EMC8: variants seen among roughly 807,000 people sequenced by gnomAD.
EMC8 encodes the protein ER membrane protein complex subunit 8.
A neutral mutation model predicts 24.3 loss-of-function variants in EMC8; 11 were observed. That is an observed-to-expected ratio of 0.45 (90% CI 0.28 to 0.75). EMC8 has a LOEUF of 0.75. Among genes scored for constraint, EMC8 ranks in the 30% least tolerant of loss-of-function variants. The pLI is 0.12. For synonymous variants in EMC8, 145 were observed against 117.7 expected (o/e 1.23, Z -1.50); for missense variants, 277 against 282.7 (o/e 0.98, Z 0.14).
At chr16:85,795,175 A>G (rs1905197955) in intron 1 of EMC8, among the ~76,000 whole-genome samples, 1 of 152,160 alleles carries the variant, frequency 6.6e-6, no homozygotes, top group South Asian at 2.1e-4. Context: ...TTACTTAAGA[A>G]TGAGAAGAAT....
chr16:85,796,209 C>T (rs555652145), intron 1 of EMC8, among the ~76,000 whole-genome samples: 1 of 152,202 alleles, frequency 6.6e-6, no homozygotes, highest in East Asian at 1.9e-4. Flanking sequence ...AAGTAATCAC[C>T]TCCCCTCCAG....
intron 1 of EMC8, among the ~76,000 whole-genome samples, chr16:85,794,810 G>A (rs77993455): frequency 9.9e-5 from 15 of 152,176 alleles, no homozygotes; most frequent in African/African-American, 1.9e-4. Flanking sequence ...CTCATGTGGT[G>A]GGGGGAGGTG....
At chr16:85,779,977 G>T (rs1597197572) in intron 4 of EMC8, 110 bp from the exon 5 acceptor site, 1 of 842,456 alleles carries the variant, frequency 1.2e-6, no homozygotes. Flanking sequence ...CAGAGATGGT[G>T]CAGAGTACTG....
intron 1 of EMC8, among the ~76,000 whole-genome samples, chr16:85,795,324 C>G (rs1167130425): frequency 6.6e-6 from 1 of 152,238 alleles, no homozygotes; most frequent in African/African-American, 2.4e-5. Context: ...TGCTCTGTGA[C>G]TCCTCCTCCA....
At chr16:85,798,999 T>C in intron 1 of EMC8, 66 bp downstream of exon 1, 2 of 1,176,850 alleles carry the variant, frequency 1.7e-6, no homozygotes, top group Non-Finnish European at 2.4e-6. Flanking sequence ...CTGGGCCAGC[T>C]TCCTCTCTGC....
chr16:85,785,915 G>A (rs4843788), intron 2 of EMC8, among the ~76,000 whole-genome samples: 21,164 of 152,160 alleles, frequency 0.14, 2,233 homozygotes, highest in East Asian at 0.46. Context: ...GCCGGGCACC[G>A]AAACCTACTC....
At chr16:85,798,947 A>AC in intron 1 of EMC8, 118 bp downstream of exon 1, 1 of 681,266 alleles carries the variant, frequency 1.5e-6, no homozygotes, top group Non-Finnish European at 2.4e-6. Flanking sequence ...GGCCACGGCA[A>AC]CCCTAGGGAG....
In EMC8 at chr16:85,799,230, C is replaced by G. The variant is rs1266376750; in HGVS notation, c.66G>C (p.Pro22=). Residue 22 remains proline, a synonymous_variant, in exon 1 of 5, where the codon CCG becomes CCC. Transcript: ENST00000253457. The surrounding 1 kb of genome is among the most constrained non-coding windows in gnomAD (Gnocchi z 4.2). ...CCAGGAGCCCGTTGACGGCGCAGTG[C>G]GGGTACTTGGCGCCGTGCAGCACCA... ...CKMVLHGAKY[P]HCAVNGLLVA... is the part of the protein sequence containing the mutation. 1 of 1,613,216 alleles carries G rather than the reference C, an allele frequency of 6.2e-7. No individual in the cohort carries two copies. Among genetic ancestry groups the G allele is most frequent in the Non-Finnish European group, 8.5e-7 (1 of 1,179,878 alleles).
intron 1 of EMC8, among the ~76,000 whole-genome samples, chr16:85,791,814 T>G (rs749272910): frequency 1.8e-4 from 28 of 152,178 alleles, no homozygotes; most frequent in Non-Finnish European, 3.5e-4. Context: ...GCCTCCCCTT[T>G]ACAAAGGTCT....
chr16:85,787,999 C>G (rs1437447233), intron 2 of EMC8, among the ~76,000 whole-genome samples: 1 of 152,214 alleles, frequency 6.6e-6, no homozygotes, highest in South Asian at 2.1e-4. Context: ...AACGGCAGGG[C>G]CCTTCACTGC....
At chr16:85,796,708 G>C (rs958260078) in intron 1 of EMC8, among the ~76,000 whole-genome samples, 1 of 152,076 alleles carries the variant, frequency 6.6e-6, no homozygotes, top group African/African-American at 2.4e-5. Flanking sequence ...CCTGCTCTTT[G>C]CACATGCTGG....
In EMC8 at chr16:85,779,864, G is replaced by C; in HGVS notation, c.477C>G (p.Asp159Glu). ...GTGCCTCTGGCCAGTCTTCACAGTA[G>C]TCACTACGGGTCAAACATGAAGAAG... ...NRWRCRDPHH[D>E]YCEDWPEAQR... The change falls in exon 5 of 5, where the codon GAC becomes GAG. Residue 159 changes from aspartate to glutamate, a missense_variant. Coordinates refer to ENST00000253457, the MANE Select transcript of EMC8 (RefSeq NM_006067.5). 1 of 1,613,824 alleles carries C rather than the reference G, an allele frequency of 6.2e-7. No individual in the cohort carries two copies. The highest frequency in any genetic ancestry group is 8.5e-7 in the Non-Finnish European group (1 of 1,179,830).
rs1904432034 is a variant in EMC8, at chr16:85,780,366, G to A, written c.473+13C>T. 1.2e-6 allele frequency: 2 copies of A among 1,607,536 alleles called. No homozygotes were observed. Among genetic ancestry groups the A allele is most frequent in the South Asian group, 1.1e-5 (1 of 90,910 alleles). The stretch of plus-strand genomic sequence containing the variant: ...AGGAGCCCAGCCCGCGCGGCAGCAT[G>A]GGGCGCACTCACTGGTGTGGGTCTC... On this transcript the variant is annotated intron_variant, in intron 4 of 4. Coordinates refer to ENST00000253457, the MANE Select transcript of EMC8 (RefSeq NM_006067.5).
At position 85,780,396 on chromosome 16, in the gene EMC8, C is replaced by G. The variant is rs1046854310; in HGVS notation, c.456G>C (p.Arg152=). 6.8e-6 allele frequency: 11 copies of G among 1,614,064 alleles called. No homozygotes were observed. The highest frequency in any genetic ancestry group is 9.3e-6 in the Non-Finnish European group (11 of 1,179,902). ...GCACTCACTGGTGTGGGTCTCTGCA[C>G]CGCCATCTGTTCTCATGGTGCTCGT... The part of the protein sequence containing the change: ...HVYEHHENRW[R]CRDPHHDYCE... Residue 152 remains arginine, a synonymous_variant, in exon 4 of 5, where the codon CGG becomes CGC. Coordinates refer to ENST00000253457, the MANE Select transcript of EMC8 (RefSeq NM_006067.5).
At position 85,799,069 on chromosome 16, in the gene EMC8, G is replaced by A. The variant is rs1394113516; in HGVS notation, c.227C>T (p.Thr76Ile). Residue 76 changes from threonine to isoleucine, a missense_variant, in exon 1 of 5, where the codon ACC becomes ATC. Physicochemically the swap from Thr to Ile is moderately conservative, Grantham distance 89. Coordinates refer to ENST00000253457, the MANE Select transcript of EMC8 (RefSeq NM_006067.5). This position sits in a 1 kb window ranked among gnomAD's most constrained non-coding sequence, Gnocchi z 4.2. Reference protein sequence around the residue: ...ALAPMLEVALTLIDSWCKDHS... With the variant: ...ALAPMLEVALILIDSWCKDHS... Reference sequence around the variant, plus strand: ...AGGGGCCCTTTCCGCGCTTACCAGGGTGAGAGCCACCTCCAGCATGGGGGC... The same window carrying A: ...AGGGGCCCTTTCCGCGCTTACCAGGATGAGAGCCACCTCCAGCATGGGGGC... 4 of 1,546,360 alleles carry A rather than the reference G, an allele frequency of 2.6e-6. No homozygotes were observed. Among genetic ancestry groups the A allele is most frequent in the African/African-American group, 1.4e-5 (1 of 73,234 alleles).
At chr16:85,788,219 C>G (rs957202976) in intron 2 of EMC8, among the ~76,000 whole-genome samples, 1 of 152,268 alleles carries the variant, frequency 6.6e-6, no homozygotes, top group Non-Finnish European at 1.5e-5. Flanking sequence ...GAGGCCACGT[C>G]AGGCTGGCTG....
At chr16:85,789,181 C>G in intron 1 of EMC8, 131 bp from the exon 2 acceptor site, 2 of 693,670 alleles carry the variant, frequency 2.9e-6, no homozygotes, top group African/African-American at 1.8e-5. Flanking sequence ...ACCCTACACC[C>G]CAGAAGAAAG....
intron 2 of EMC8, 105 bp from the exon 3 acceptor site, chr16:85,781,385 T>C: frequency 1.2e-6 from 1 of 807,154 alleles, no homozygotes; most frequent in Non-Finnish European, 2.2e-6. Context: ...ACAGAAAGAC[T>C]GGCAGAGCCA....
rs535141818 is a variant in EMC8, at chr16:85,778,895, T to C, written c.*813A>G. 4 of 152,328 alleles carry C rather than the reference T, an allele frequency of 2.6e-5. No homozygotes were observed. The highest frequency in any genetic ancestry group is 6.5e-5 in the Admixed American group (1 of 15,294). 9.4% of individuals were successfully genotyped at this position (152,328 alleles called of 1,614,324 possible). On this transcript the variant is annotated 3_prime_UTR_variant, in exon 5 of 5. Transcript: ENST00000253457. Reference sequence around the variant, plus strand: ...TTTGGTTACAAAACTTGACCAAATGTTCTAAGTATAAAAAGTACAGACGTC... The same window carrying C: ...TTTGGTTACAAAACTTGACCAAATGCTCTAAGTATAAAAAGTACAGACGTC...
Sources: gnomAD v4.1 joint callset for allele counts (sites outside exome capture counted in the v4.1 genomes callset) on GRCh38, gnomAD v4.1.1 for gene constraint, Gnocchi (gnomAD v3.1) non-coding constraint, MANE v1.5 for transcripts, NCBI Gene and HGNC (gene_info 2026-07-23, HGNC 2026-07-21) for gene names.